Variants in CATIP observed in about 807,000 individuals in gnomAD.
The protein encoded by CATIP is ciliogenesis associated TTC17 interacting protein.
Under a neutral mutation model 42.5 loss-of-function variants are expected in CATIP, and 40 were observed. The ratio of observed to expected loss-of-function variants is 0.94; its 90% confidence interval spans 0.73 to 1.22. The LOEUF (loss-of-function observed/expected upper bound fraction) is 1.22, where lower values mean the gene tolerates loss of function less well. Ranked by LOEUF, CATIP falls within the 50% of genes most tolerant of loss-of-function variation. The pLI, the probability that CATIP is intolerant of heterozygous loss-of-function variation, is 0.00. For synonymous variants in CATIP, 222 were observed against 200.2 expected (o/e 1.11, Z -0.92); for missense variants, 489 against 496.0 (o/e 0.99, Z 0.13).
chr2:218,358,888 A>C (rs1223743531), intron 4 of CATIP, among the ~76,000 whole-genome samples: 1 of 150,592 alleles, frequency 6.6e-6, no homozygotes, highest in Non-Finnish European at 1.5e-5. Flanking sequence ...TGTCTCAAAA[A>C]AAAAAAAAAA....
Position 218,364,423 on chromosome 2 carries a change from C to T in CATIP, c.631-205C>T, listed in dbSNP as rs182391878. On this transcript the variant is annotated intron_variant, in intron 6 of 9. Transcript: ENST00000289388. The stretch of plus-strand genomic sequence containing the variant: ...TTGCCAACTAGAAGCACCTGGTCAG[C>T]GAGATGACATGGGAGGGGTCAGGGC... Among the ~76,000 whole-genome samples, 41 of 152,308 alleles carry T rather than the reference C, an allele frequency of 2.7e-4. 1 individual carries two copies. The South Asian group carries it at 6.6e-3, about 25-fold the overall frequency.
At chr2:218,367,688 G>A (rs1574747336) in intron 9 of CATIP, 34 bp from the exon 10 acceptor site, 5 of 1,578,614 alleles carry the variant, frequency 3.2e-6, no homozygotes, top group African/African-American at 2.7e-5. Context: ...CGGGGGTCCC[G>A]TCCGGCTGAG....
rs749702307 is a variant in CATIP at position 218,367,863 on chromosome 2, G to A, written c.1063G>A (p.Asp355Asn). 2.5e-6 allele frequency: 4 copies of A among 1,612,926 alleles called. No homozygotes were observed. The highest frequency in any genetic ancestry group is 2.7e-5 in the African/African-American group (2 of 74,920). Residue 355 changes from aspartate to asparagine, a missense_variant, in exon 10 of 10, where the codon GAC (aspartate) becomes AAC (asparagine). Coordinates refer to ENST00000289388, the MANE Select transcript of CATIP (RefSeq NM_198559.2). The stretch of plus-strand genomic sequence containing the variant: ...CGCCGCCGAGTTCTTCGGCCCCTTC[G>A]ACCCGTGGCGTCCGTCGTCACCGGC... Reference protein sequence around the residue: ...TFAAEFFGPFDPWRPSSPALG... With the variant: ...TFAAEFFGPFNPWRPSSPALG...
Position 218,358,019 on chromosome 2 carries a change from T to C in CATIP, c.320-18T>C, listed in dbSNP as rs960499975. 3.1e-6 allele frequency: 5 copies of C among 1,613,090 alleles called. No individual in the cohort carries two copies. Among genetic ancestry groups the C allele is most frequent in the African/African-American group, 1.3e-5 (1 of 74,900 alleles). ...CCACATCTCCTGTGACGTCAATGCC[T>C]GTGTCCCTGCACCCCAGGCTATCTC... On this transcript the variant is annotated intron_variant, in intron 3 of 9. Coordinates refer to ENST00000289388, the MANE Select transcript of CATIP (RefSeq NM_198559.2).
At chr2:218,357,225 G>A (rs1489612740) in intron 2 of CATIP, 38 bp downstream of exon 2, 2 of 1,487,602 alleles carry the variant, frequency 1.3e-6, no homozygotes, top group Non-Finnish European at 9.3e-7. Flanking sequence ...GGTGCGGGAG[G>A]GGTGCAAGTC....
chr2:218,366,026 G>C lies in CATIP; in HGVS notation c.756-998G>C, dbSNP rs532034552. ...AACAGGCTTTCACCATGTTGGCCAG[G>C]CTGGTCTCAAACACCTGACCTGAAG... On this transcript the variant is annotated intron_variant, in intron 7 of 9. Transcript: ENST00000289388. 3.9e-5 allele frequency: 6 copies of C among 152,282 alleles called. No homozygotes were observed. The South Asian group carries it at 1.0e-3, about 26-fold the overall frequency. The allele number at this position is 152,282 out of a possible 1,614,324, so 9.4% of individuals were successfully genotyped here.
Position 218,367,822 on chromosome 2 carries a change from AG to A in CATIP, c.1024del (p.Asp342ThrfsTer82). 6.2e-7 allele frequency: 1 copy of A among 1,613,116 alleles called. No homozygotes were observed. ...CTCTTCCTGCTGCTGCGCCAGCCGGAGGACGTGGTCACCTTCGCCGCCGAGT... is the reference window on the plus strand; with the variant it reads ...CTCTTCCTGCTGCTGCGCCAGCCGGAGACGTGGTCACCTTCGCCGCCGAGT... ...FLLFLLLRQP[E>X]DVVTFAAEFF... On this transcript the variant is annotated frameshift_variant, in exon 10 of 10. Transcript: ENST00000289388. LOFTEE classifies it low-confidence loss of function (END_TRUNC).
intron 5 of CATIP, among the ~76,000 whole-genome samples, chr2:218,361,299 G>A (rs914663721): frequency 6.6e-6 from 1 of 151,864 alleles, no homozygotes; most frequent in Non-Finnish European, 1.5e-5. Context: ...GCGTGAACCC[G>A]GGAAGTGGAG....
chr2:218,357,062 G>A (rs763369983), intron 1 of CATIP, 33 bp from the exon 2 acceptor site: 1 of 1,595,538 alleles, frequency 6.3e-7, no homozygotes, highest in Non-Finnish European at 8.6e-7. Flanking sequence ...TTCTCCCCAG[G>A]GTCTGCCATC....
intron 6 of CATIP, among the ~76,000 whole-genome samples, chr2:218,363,406 A>G (rs1574740856): frequency 6.6e-6 from 1 of 151,370 alleles, no homozygotes; most frequent in East Asian, 1.9e-4. Context: ...GAATGGCGTG[A>G]ACCCGGGAGG....
At position 218,357,207 on chromosome 2, in the gene CATIP, G is replaced by A. The variant is rs1285051621; in HGVS notation, c.118+20G>A. ...CCCTCCGTGAGCTCAGACAGTGTCG[G>A]GGTTGGGGGTGCGGGAGGGGTGCAA... On this transcript the variant is annotated intron_variant, in intron 2 of 9. Coordinates refer to ENST00000289388, the MANE Select transcript of CATIP (RefSeq NM_198559.2). 1.9e-6 allele frequency: 3 copies of A among 1,593,486 alleles called. No homozygotes were observed. Among genetic ancestry groups the A allele is most frequent in the Admixed American group, 1.7e-5 (1 of 58,876 alleles).
Sources: gnomAD v4.1 joint callset for allele counts (sites outside exome capture counted in the v4.1 genomes callset) on GRCh38, gnomAD v4.1.1 for gene constraint, MANE v1.5 for transcripts, NCBI Gene and HGNC (gene_info 2026-07-23, HGNC 2026-07-21) for gene names.